ENTREP2: variants seen among roughly 807,000 people sequenced by gnomAD.
ENTREP2 encodes the protein endosomal transmembrane epsin interactor 2, also known as protein ENTREP2.
chr15:29,620,270 T>C, the ENTREP2 span, among the ~76,000 whole-genome samples: 3 of 152,066 alleles, frequency 2.0e-5, no homozygotes, highest in East Asian at 1.9e-4. Context: ...GCCTTTGCCA[T>C]GGAGCTGAGC....
chr15:29,286,847 A>C, the ENTREP2 span, among the ~76,000 whole-genome samples: 10 of 152,184 alleles, frequency 6.6e-5, no homozygotes, highest in Non-Finnish European at 1.3e-4. Flanking sequence ...CCTTAGCATG[A>C]GATAATAGTC....
At chr15:29,461,504 C>G in the ENTREP2 span, among the ~76,000 whole-genome samples, 2 of 151,844 alleles carry the variant, frequency 1.3e-5, no homozygotes, top group African/African-American at 4.8e-5. Flanking sequence ...TTTTTTGAGA[C>G]GGAGTCTTGC....
the ENTREP2 span, among the ~76,000 whole-genome samples, chr15:29,370,533 T>C: frequency 1.3e-5 from 2 of 151,924 alleles, no homozygotes; most frequent in African/African-American, 4.8e-5. Flanking sequence ...AAATGAGAAA[T>C]GTCATTTGCC....
At chr15:29,318,788 C>T in the ENTREP2 span, among the ~76,000 whole-genome samples, 1 of 152,154 alleles carries the variant, frequency 6.6e-6, no homozygotes, top group East Asian at 1.9e-4. Flanking sequence ...AACCCACAAG[C>T]TCTCCAAGGT....
At chr15:29,556,260 G>A in the ENTREP2 span, among the ~76,000 whole-genome samples, 2 of 152,210 alleles carry the variant, frequency 1.3e-5, no homozygotes, top group East Asian at 3.9e-4. Flanking sequence ...CTGTTGGAAG[G>A]ATCTCTCCGA....
the ENTREP2 span, among the ~76,000 whole-genome samples, chr15:29,431,745 C>G: frequency 6.6e-6 from 1 of 152,150 alleles, no homozygotes; most frequent in Admixed American, 6.5e-5. Flanking sequence ...TAAAATAAAT[C>G]TTAGCCTATG....
At chr15:29,575,913 A>G in the ENTREP2 span, among the ~76,000 whole-genome samples, 1 of 152,176 alleles carries the variant, frequency 6.6e-6, no homozygotes, top group African/African-American at 2.4e-5. Context: ...CAACACCCCA[A>G]ATTCTCTACA....
At chr15:29,415,874 C>T in the ENTREP2 span, among the ~76,000 whole-genome samples, 1 of 152,110 alleles carries the variant, frequency 6.6e-6, no homozygotes, top group South Asian at 2.1e-4. Flanking sequence ...ACAGCCAAAT[C>T]ATGAGTGAAC....
chr15:29,233,132 G>T, the ENTREP2 span, among the ~76,000 whole-genome samples: 4 of 152,180 alleles, frequency 2.6e-5, no homozygotes, highest in African/African-American at 9.7e-5. Flanking sequence ...AAGGCTTGGA[G>T]ATTGACTCTA....
chr15:29,660,493 C>T, the ENTREP2 span, among the ~76,000 whole-genome samples: 3 of 152,160 alleles, frequency 2.0e-5, no homozygotes, highest in African/African-American at 7.2e-5. Context: ...TTATAAATTA[C>T]TGAGTCTCAG....
At chr15:29,260,683 T>C in the ENTREP2 span, among the ~76,000 whole-genome samples, 157 of 152,340 alleles carry the variant, frequency 1.0e-3, no homozygotes, top group Non-Finnish European at 8.8e-5. Context: ...GTAGTTGAAC[T>C]GGGTGGGGAT....
the ENTREP2 span, among the ~76,000 whole-genome samples, chr15:29,583,112 T>G: frequency 7.4e-4 from 112 of 152,238 alleles, 1 homozygote; most frequent in African/African-American, 2.5e-3. Context: ...ACCAGGTGAC[T>G]TAAAAGGGAA....
the ENTREP2 span, among the ~76,000 whole-genome samples, chr15:29,431,398 A>C: frequency 6.6e-6 from 1 of 152,144 alleles, no homozygotes. Flanking sequence ...TGAATCTTGT[A>C]CAACTGTTAG....
chr15:29,591,894 GAA>G, the ENTREP2 span, among the ~76,000 whole-genome samples: 1 of 118,540 alleles, frequency 8.4e-6, no homozygotes, highest in Non-Finnish European at 1.8e-5. Flanking sequence ...AGAAGAAGAA[GAA>G]GAGAGAAAAC....
chr15:29,256,354 A>ATT, the ENTREP2 span, among the ~76,000 whole-genome samples: 1 of 152,214 alleles, frequency 6.6e-6, no homozygotes, highest in Non-Finnish European at 1.5e-5. Context: ...ATAGTCATAC[A>ATT]TAACAAAAAA....
At chr15:29,299,347 C>T in the ENTREP2 span, among the ~76,000 whole-genome samples, 2 of 152,204 alleles carry the variant, frequency 1.3e-5, no homozygotes, top group Non-Finnish European at 2.9e-5. Flanking sequence ...TCCATGATGT[C>T]TGGGCCTCTG....
the ENTREP2 span, among the ~76,000 whole-genome samples, chr15:29,202,961 T>C: frequency 6.6e-6 from 1 of 152,256 alleles, no homozygotes; most frequent in Non-Finnish European, 1.5e-5. Flanking sequence ...TGCATGTGTC[T>C]TTGTGGCAGA....
the ENTREP2 span, chr15:29,570,599 A>G: frequency 6.8e-7 from 1 of 1,462,262 alleles, no homozygotes; most frequent in Non-Finnish European, 9.0e-7. Context: ...GAGGCATCCG[A>G]GCGCCATCTG....
chr15:29,169,764 C>T, the ENTREP2 span, among the ~76,000 whole-genome samples: 2 of 152,084 alleles, frequency 1.3e-5, no homozygotes, highest in Non-Finnish European at 2.9e-5. Flanking sequence ...TTGAAATAGA[C>T]AGGAGCTCCC....
Sources: allele counts gnomAD v4.1 joint callset (sites outside exome capture counted in the v4.1 genomes callset), GRCh38; gene constraint gnomAD v4.1.1; transcripts MANE v1.5; gene names NCBI Gene and HGNC (gene_info 2026-07-23, HGNC 2026-07-21).